Variants in PLRG1 observed in about 807,000 individuals in gnomAD.
The protein encoded by PLRG1 is pleiotropic regulator 1 (PRL1 homolog, Arabidopsis).
In PLRG1, 28 loss-of-function variants were observed where a neutral mutation model predicts 74.9. That is an observed-to-expected ratio of 0.37 (90% CI 0.28 to 0.51). PLRG1 has a LOEUF of 0.51. Ranked by LOEUF, PLRG1 falls within the 20% of genes least tolerant of loss-of-function variation. The pLI is 0.91. For synonymous variants in PLRG1, 197 were observed against 212.4 expected (o/e 0.93, Z 0.63); for missense variants, 445 against 631.9 (o/e 0.70, Z 3.17).
intron 7 of PLRG1, among the ~76,000 whole-genome samples, chr4:154,543,489 T>A (rs965051484): frequency 6.6e-6 from 1 of 152,088 alleles, no homozygotes; most frequent in Non-Finnish European, 1.5e-5. Flanking sequence ...ATGTAGCCCA[T>A]AAATATGCAC....
In PLRG1 at chr4:154,547,625, C is replaced by A. The variant is rs572637245; in HGVS notation, c.259+86G>T. 6.0e-5 allele frequency: 76 copies of A among 1,259,160 alleles called. No individual in the cohort carries two copies. In the East Asian group the frequency reaches 1.8e-3, roughly 29 times the overall value. The allele number at this position is 1,259,160 out of a possible 1,614,324, so 78.0% of individuals were successfully genotyped here. Reference sequence around the variant, plus strand: ...TACTGTACGACCACAATAAGTCCTGCCAGGAGGGGCAAAAATAACATATTT... The same window carrying A: ...TACTGTACGACCACAATAAGTCCTGACAGGAGGGGCAAAAATAACATATTT... On this transcript the variant is annotated intron_variant, in intron 3 of 14. Coordinates refer to ENST00000499023, the MANE Select transcript of PLRG1 (RefSeq NM_002669.4).
intron 2 of PLRG1, 113 bp from the exon 3 acceptor site, chr4:154,547,966 T>C (rs892742890): frequency 1.4e-6 from 1 of 733,312 alleles, no homozygotes. Flanking sequence ...TTAAGTAGTA[T>C]TTAAAAGAAT....
intron 7 of PLRG1, among the ~76,000 whole-genome samples, chr4:154,543,311 C>T (rs1560807747): frequency 6.6e-6 from 1 of 151,976 alleles, no homozygotes; most frequent in South Asian, 2.1e-4. Flanking sequence ...CTACACATAG[C>T]CAATTTTTGT....
At position 154,535,630 on chromosome 4, in the gene PLRG1, A is replaced by T. The variant is rs1729433227; in HGVS notation, c.*1055T>A. 6.6e-6 allele frequency: 1 copy of T among 151,932 alleles called. No homozygotes were observed. Among genetic ancestry groups the T allele is most frequent in the Admixed American group, 6.6e-5 (1 of 15,218 alleles). 9.4% of individuals were successfully genotyped at this position (151,932 alleles called of 1,614,324 possible). On this transcript the variant is annotated 3_prime_UTR_variant, in exon 15 of 15. Coordinates refer to ENST00000499023, the MANE Select transcript of PLRG1 (RefSeq NM_002669.4). ...TTCTAATTATAGAAGGTGAAGTCTG[A>T]CAAATCTTGATTAATGGGGAATCAG...
At chr4:154,547,195 C>G (rs368225728) in intron 3 of PLRG1, 131 bp from the exon 4 acceptor site, 6 of 730,152 alleles carry the variant, frequency 8.2e-6, no homozygotes, top group African/African-American at 7.0e-5. Context: ...AGTCAAGCCT[C>G]AGAAATAAGG....
chr4:154,542,528 A>T (rs942084509), intron 7 of PLRG1, among the ~76,000 whole-genome samples: 16 of 152,218 alleles, frequency 1.1e-4, no homozygotes, highest in Non-Finnish European at 2.2e-4. Context: ...AACTTCAATG[A>T]CTCACAAAGT....
Position 154,546,218 on chromosome 4 carries a change from T to G in PLRG1, c.314-5A>C. ...TATCTGCTGTCAAAGCAACCCCTAT[T>G]AAAATGAAAAATCAACTTCTTTTAG... On this transcript the variant is annotated splice_polypyrimidine_tract_variant and splice_region_variant and intron_variant, in intron 4 of 14. Coordinates refer to ENST00000499023, the MANE Select transcript of PLRG1 (RefSeq NM_002669.4). 6.5e-7 allele frequency: 1 copy of G among 1,541,070 alleles called. No individual in the cohort carries two copies. Among genetic ancestry groups the G allele is most frequent in the Non-Finnish European group, 9.0e-7 (1 of 1,115,740 alleles).
At chr4:154,544,691 A>T (rs1578769813) in intron 6 of PLRG1, 145 bp from the exon 7 acceptor site, 3 of 582,372 alleles carry the variant, frequency 5.2e-6, no homozygotes, top group African/African-American at 4.4e-5. Context: ...ATGTTAACTT[A>T]AAAAAGCAAT....
At chr4:154,537,913 T>C (rs983117254) in intron 13 of PLRG1, 56 bp downstream of exon 13, 7 of 999,464 alleles carry the variant, frequency 7.0e-6, no homozygotes, top group Non-Finnish European at 1.0e-5. Flanking sequence ...TGTTTATTCA[T>C]CATTAAAAGA....
At chr4:154,549,819 G>GGTAAGAT (rs1560810463) in intron 1 of PLRG1, 1 of 456,236 alleles carries the variant, frequency 2.2e-6, no homozygotes, top group South Asian at 1.6e-5. Context: ...AAACATGTGG[G>GGTAAGAT]GTAAGATGGA....
intron 11 of PLRG1, among the ~76,000 whole-genome samples, chr4:154,539,571 T>C (rs1034773030): frequency 3.7e-4 from 56 of 152,124 alleles, no homozygotes; most frequent in African/African-American, 1.3e-3. Context: ...GATCCATTGT[T>C]ACTAACTTTA....
intron 2 of PLRG1, among the ~76,000 whole-genome samples, chr4:154,548,347 T>C (rs921385558): frequency 6.6e-6 from 1 of 152,180 alleles, no homozygotes; most frequent in African/African-American, 2.4e-5. Context: ...AAATGCTTGT[T>C]TGAGGAGTTA....
Position 154,550,323 on chromosome 4 carries a change from T to G in PLRG1, c.-15A>C. ...ACCTCGACCATGATGCTACCGTGTA[T>G]CCCACCTCCGGCAGGGAAGAAACTC... On this transcript the variant is annotated 5_prime_UTR_variant, in exon 1 of 15. Transcript: ENST00000499023. 3 of 1,612,594 alleles carry G rather than the reference T, an allele frequency of 1.9e-6. No individual in the cohort carries two copies. Among genetic ancestry groups the G allele is most frequent in the Non-Finnish European group, 2.5e-6 (3 of 1,178,610 alleles).
intron 3 of PLRG1, 79 bp downstream of exon 3, chr4:154,547,632 G>A: frequency 7.6e-7 from 1 of 1,317,178 alleles, no homozygotes; most frequent in Non-Finnish European, 1.1e-6. Context: ...CTGCCAGGAG[G>A]GGCAAAAATA....
chr4:154,540,808 A>C lies in PLRG1; in HGVS notation c.814T>G (p.Cys272Gly), dbSNP rs960699656. Reference sequence around the variant, plus strand: ...ACCTTATTGTATTCGAGATCCCAGCATTTCACTTGTTTGTCTTCTCCACAA... The same window carrying C: ...ACCTTATTGTATTCGAGATCCCAGCCTTTCACTTGTTTGTCTTCTCCACAA... Reference protein sequence around the residue: ...FSCGEDKQVKCWDLEYNKVIR... With the variant: ...FSCGEDKQVKGWDLEYNKVIR... Residue 272 changes from cysteine to glycine, a missense_variant, in exon 9 of 15, where the codon TGC becomes GGC. Coordinates refer to ENST00000499023, the MANE Select transcript of PLRG1 (RefSeq NM_002669.4). 2 of 1,613,710 alleles carry C rather than the reference A, an allele frequency of 1.2e-6. No homozygotes were observed. Among genetic ancestry groups the C allele is most frequent in the Non-Finnish European group, 1.7e-6 (2 of 1,179,738 alleles).
In PLRG1 at chr4:154,537,467, G is replaced by A; in HGVS notation, c.1304C>T (p.Thr435Ile). 6.2e-7 allele frequency: 1 copy of A among 1,612,754 alleles called. No homozygotes were observed. The highest frequency in any genetic ancestry group is 8.5e-7 in the Non-Finnish European group (1 of 1,179,120). The change falls in exon 14 of 15, where the codon ACC (threonine) becomes ATC (isoleucine). Residue 435 changes from threonine (T) to isoleucine (I), a missense_variant. Physicochemically the swap from Thr to Ile is moderately conservative, Grantham distance 89. This residue lies in a region of PLRG1 where 221 missense variants were observed against 377.7 expected (regional missense o/e 0.59). Transcript: ENST00000499023. Reference protein sequence around the residue: ...GVLVSGADNGTMHLWDWRTGY... With the variant: ...GVLVSGADNGIMHLWDWRTGY... Reference sequence around the variant, plus strand: ...AGTTCTCCAGTCCCAAAGATGCATGGTGCCATTGTCAGCTTAAAGGGAAAA... The same window carrying A: ...AGTTCTCCAGTCCCAAAGATGCATGATGCCATTGTCAGCTTAAAGGGAAAA...
Position 154,547,886 on chromosome 4 carries a change from C to T in PLRG1, c.117-33G>A, listed in dbSNP as rs766214106. 1.4e-5 allele frequency: 21 copies of T among 1,505,418 alleles called. No individual in the cohort carries two copies. In the East Asian group the frequency reaches 3.2e-4, roughly 23 times the overall value. The allele number at this position is 1,505,418 out of a possible 1,614,324, so 93.3% of individuals were successfully genotyped here. On this transcript the variant is annotated intron_variant, in intron 2 of 14. Transcript: ENST00000499023. Reference sequence around the variant, plus strand: ...GAAATTATAAACATAAGAACGTATCCATAAATACTTTAAAACAAACACTTA... The same window carrying T: ...GAAATTATAAACATAAGAACGTATCTATAAATACTTTAAAACAAACACTTA...
chr4:154,544,472 C>G lies in PLRG1; in HGVS notation c.567G>C (p.Gln189His). Residue 189 changes from glutamine (Q) to histidine (H), a missense_variant, in exon 7 of 15, where the codon CAG (glutamine) becomes CAC (histidine). Gln to His is a conservative substitution (Grantham distance 24). This residue lies in a region of PLRG1 where 206 missense variants were observed against 210.8 expected (regional missense o/e 0.98). Transcript: ENST00000499023. ...AKKAPTMPKP[Q>H]WHPPWKLYRV... ...TGTAGAGTTTCCACGGTGGGTGCCA[C>G]TGGGGTTTTGGCATTGTAGGGGCTT... is the stretch of plus-strand genomic sequence containing the variant. 5.6e-6 allele frequency: 9 copies of G among 1,609,048 alleles called. No individual in the cohort carries two copies. Among genetic ancestry groups the G allele is most frequent in the Non-Finnish European group, 7.7e-6 (9 of 1,175,498 alleles).
At position 154,535,144 on chromosome 4, in the gene PLRG1, T is replaced by C. The variant is rs1267082503; in HGVS notation, c.*1541A>G. 1 of 152,086 alleles carries C rather than the reference T, an allele frequency of 6.6e-6. No individual in the cohort carries two copies. The highest frequency in any genetic ancestry group is 1.5e-5 in the Non-Finnish European group (1 of 68,008). The allele number at this position is 152,086 out of a possible 1,614,324, so 9.4% of individuals were successfully genotyped here. On this transcript the variant is annotated 3_prime_UTR_variant, in exon 15 of 15. Transcript: ENST00000499023. ...CAAAGCCACTGTTAGTAATGTGGTG[T>C]TACTTATATTTTAGAGCATCAAGTT...
Sources: allele counts gnomAD v4.1 joint callset (sites outside exome capture counted in the v4.1 genomes callset), GRCh38; gene constraint gnomAD v4.1.1; regional missense constraint gnomAD v4.1.1; transcripts MANE v1.5; gene names NCBI Gene and HGNC (gene_info 2026-07-23, HGNC 2026-07-21).